ZNF699: variants seen among roughly 807,000 people sequenced by gnomAD.
ZNF699 encodes zinc finger protein 699, also known as hangover homolog.
In ZNF699, 18 loss-of-function variants were observed where a neutral mutation model predicts 22.5. The ratio of observed to expected loss-of-function variants is 0.80; its 90% confidence interval spans 0.55 to 1.19. ZNF699 has a LOEUF of 1.19. ZNF699 is among the 50% of genes most tolerant of loss of function. The pLI, the probability that ZNF699 is intolerant of heterozygous loss-of-function variation, is 0.00. For synonymous variants in ZNF699, 241 were observed against 262.3 expected (o/e 0.92, Z 0.78); for missense variants, 670 against 763.4 (o/e 0.88, Z 1.44).
At position 9,292,291 on chromosome 19, in the gene ZNF699, A is replaced by G. The variant is rs73504721; in HGVS notation, c.*3184T>C. On this transcript the variant is annotated 3_prime_UTR_variant, in exon 6 of 6. Transcript: ENST00000591998. ...AACAGGCACTAACCCTAAACAAATGAGAGTATTACATTCCCCAGGCCAGTG... is the reference window on the plus strand; with the variant it reads ...AACAGGCACTAACCCTAAACAAATGGGAGTATTACATTCCCCAGGCCAGTG... 0.016 allele frequency among the ~76,000 whole-genome samples: 2,372 copies of G among 152,244 alleles called. 60 individuals carry two copies. Among genetic ancestry groups the G allele is most frequent in the African/African-American group, 0.053 (2,210 of 41,540 alleles).
In ZNF699 at chr19:9,301,143, G is replaced by A. The variant is rs934751083; in HGVS notation, c.175+1235C>T. The stretch of plus-strand genomic sequence containing the variant: ...ATAAAGCCTACAAAAAAAAAAGAGA[G>A]AGAGAGAGAGAGAGAGAGAAGTCCA... On this transcript the variant is annotated intron_variant, in intron 3 of 5. Coordinates refer to ENST00000591998, the MANE Select transcript of ZNF699 (RefSeq NM_198535.3). 7.0e-3 allele frequency among the ~76,000 whole-genome samples: 1,054 copies of A among 151,446 alleles called. 8 individuals are homozygous for A. Among genetic ancestry groups the A allele is most frequent in the African/African-American group, 0.024 (993 of 41,274 alleles).
Position 9,309,369 on chromosome 19 carries a change from A to C in ZNF699, c.-25T>G, listed in dbSNP as rs940039452. 1.3e-5 allele frequency: 2 copies of C among 152,358 alleles called. No homozygotes were observed. The highest frequency in any genetic ancestry group is 2.9e-5 in the Non-Finnish European group (2 of 68,148). 9.4% of individuals were successfully genotyped at this position (152,358 alleles called of 1,614,324 possible). On this transcript the variant is annotated 5_prime_UTR_variant, in exon 1 of 6. Transcript: ENST00000591998. ...GCTCACCCGACACGCCGCGATCCACAGATCAGCTCACAGAGAACGAGGCTG... is the reference window on the plus strand; with the variant it reads ...GCTCACCCGACACGCCGCGATCCACCGATCAGCTCACAGAGAACGAGGCTG...
At chr19:9,308,805 A>G (rs1393625738) in intron 1 of ZNF699, among the ~76,000 whole-genome samples, 1 of 152,210 alleles carries the variant, frequency 6.6e-6, no homozygotes, top group East Asian at 1.9e-4. Context: ...AAGAAATGAA[A>G]AGAAATGGAA....
chr19:9,296,613 G>C lies in ZNF699; in HGVS notation c.791C>G (p.Ser264Ter). ...KECTKAFSCS[S>*]FFRAHMKIHI... ...AATCTTCATATGTGCCCTAAAGAAT[G>C]AGGAACAGCTGAAGGCTTTGGTACA... is the stretch of plus-strand genomic sequence containing the variant. The change falls in exon 6 of 6, where the codon TCA becomes TGA. Residue 264 changes from serine to a stop codon, truncating the protein, a stop_gained. Transcript: ENST00000591998. LOFTEE classifies it low-confidence loss of function (END_TRUNC). 1.9e-6 allele frequency: 3 copies of C among 1,614,184 alleles called. No individual in the cohort carries two copies. Among genetic ancestry groups the C allele is most frequent in the Non-Finnish European group, 8.5e-7 (1 of 1,180,032 alleles).
rs2144973800 is a variant in ZNF699 at position 9,295,391 on chromosome 19, C to T, written c.*84G>A. 1.3e-6 allele frequency: 2 copies of T among 1,482,238 alleles called. No individual in the cohort carries two copies. Among genetic ancestry groups the T allele is most frequent in the Non-Finnish European group, 1.8e-6 (2 of 1,115,304 alleles). The allele number at this position is 1,482,238 out of a possible 1,614,324, so 91.8% of individuals were successfully genotyped here. A position where few individuals can be genotyped will look rare whatever the true frequency, so the allele number is the denominator to read the frequency against. ...TGAGCAACAATTTCCTACTTTCTTA[C>T]ATTCATAGGGTGTCTCCACAGTATG... On this transcript the variant is annotated 3_prime_UTR_variant, in exon 6 of 6. Coordinates refer to ENST00000591998, the MANE Select transcript of ZNF699 (RefSeq NM_198535.3).
At chr19:9,304,817 G>A (rs1455670181) in intron 2 of ZNF699, among the ~76,000 whole-genome samples, 2 of 151,934 alleles carry the variant, frequency 1.3e-5, no homozygotes, top group Non-Finnish European at 2.9e-5. Context: ...CAGCCACTCG[G>A]GAGGCTGAGG....
At position 9,296,322 on chromosome 19, in the gene ZNF699, T is replaced by G; in HGVS notation, c.1082A>C (p.Lys361Thr). Residue 361 changes from lysine (K) to threonine (T), a missense_variant, in exon 6 of 6, where the codon AAG (lysine) becomes ACG (threonine). Physicochemically the swap from Lys to Thr is moderately conservative, Grantham distance 78. Transcript: ENST00000591998. ...CCCACACTCTTTACATTCATAAGGC[T>G]TCTCTCCAGTGTGAATTCTTATATG... The part of the protein sequence containing the change: ...IIHIRIHTGE[K>T]PYECKECGKA... 2 of 1,613,018 alleles carry G rather than the reference T, an allele frequency of 1.2e-6. No homozygotes were observed. The highest frequency in any genetic ancestry group is 1.3e-5 in the African/African-American group (1 of 74,634).
Position 9,294,720 on chromosome 19 carries a change from G to A in ZNF699, c.*755C>T, listed in dbSNP as rs2066278412. The stretch of plus-strand genomic sequence containing the variant: ...CACTGGATCCAATTCCCAGCCACGA[G>A]CAAGGACAAAGAATAAAATATAAAA... On this transcript the variant is annotated 3_prime_UTR_variant, in exon 6 of 6. Coordinates refer to ENST00000591998, the MANE Select transcript of ZNF699 (RefSeq NM_198535.3). 1 of 152,058 alleles carries A rather than the reference G, an allele frequency of 6.6e-6. No homozygotes were observed. The allele number at this position is 152,058 out of a possible 1,614,324, so 9.4% of individuals were successfully genotyped here. A position where few individuals can be genotyped will look rare whatever the true frequency, so the allele number is the denominator to read the frequency against.
chr19:9,300,678 A>G (rs12460279), intron 3 of ZNF699, among the ~76,000 whole-genome samples: 69,743 of 152,076 alleles, frequency 0.46, 17,628 homozygotes, highest in Middle Eastern at 0.57. Flanking sequence ...AAGTGAAAGA[A>G]GCCAATCTGA....
Position 9,297,489 on chromosome 19 carries a change from A to G in ZNF699, c.287-10T>C, listed in dbSNP as rs1271742689. The G allele has an allele frequency of 2.6e-6, 4 of 1,546,316 alleles. No homozygotes were observed. The highest frequency in any genetic ancestry group is 3.5e-6 in the Non-Finnish European group (4 of 1,157,412). ...AGTTGAGTCTCAAAACCTGAAACGAAAAAAAGTGAAAGCTTCCATGAGCCA... is the reference window on the plus strand; with the variant it reads ...AGTTGAGTCTCAAAACCTGAAACGAGAAAAAGTGAAAGCTTCCATGAGCCA... On this transcript the variant is annotated splice_polypyrimidine_tract_variant and intron_variant, in intron 4 of 5. Coordinates refer to ENST00000591998, the MANE Select transcript of ZNF699 (RefSeq NM_198535.3). The surrounding 1 kb of genome is among the most constrained non-coding windows in gnomAD (Gnocchi z 4.3).
rs1164942807 is a variant in ZNF699, at chr19:9,297,239, CTTTAAT to C, written c.470+51_470+56del. ...TATACATATTTCTTAAATTTCATGA[CTTTAAT>C]TTTAAGATTCTCTCCTGAGGCACTT... On this transcript the variant is annotated intron_variant, in intron 5 of 5. Transcript: ENST00000591998. This position sits in a 1 kb window ranked among gnomAD's most constrained non-coding sequence, Gnocchi z 4.3. The C allele has an allele frequency of 2.7e-6, 4 of 1,493,854 alleles. No homozygotes were observed. The highest frequency in any genetic ancestry group is 1.4e-5 in the African/African-American group (1 of 69,188). The allele number at this position is 1,493,854 out of a possible 1,614,324, so 92.5% of individuals were successfully genotyped here.
Position 9,305,065 on chromosome 19 carries a change from T to A in ZNF699, c.48+7A>T. On this transcript the variant is annotated splice_region_variant and intron_variant, in intron 2 of 5. Coordinates refer to ENST00000591998, the MANE Select transcript of ZNF699 (RefSeq NM_198535.3). ...ATTCTTTTGGACAATTATCACCTTTTACTTACCTGTATTCTATTTTTCTGT... is the reference window on the plus strand; with the variant it reads ...ATTCTTTTGGACAATTATCACCTTTAACTTACCTGTATTCTATTTTTCTGT... The A allele has an allele frequency of 6.2e-7, 1 of 1,610,984 alleles. No homozygotes were observed. Among genetic ancestry groups the A allele is most frequent in the Non-Finnish European group, 8.5e-7 (1 of 1,177,316 alleles).
intron 2 of ZNF699, among the ~76,000 whole-genome samples, chr19:9,304,261 A>G (rs1248294924): frequency 1.3e-5 from 2 of 152,204 alleles, no homozygotes; most frequent in Non-Finnish European, 2.9e-5. Flanking sequence ...TCGATTCCTT[A>G]TTACAGAAAT....
chr19:9,299,751 C>G (rs1232591855), intron 3 of ZNF699, among the ~76,000 whole-genome samples: 2 of 150,492 alleles, frequency 1.3e-5, no homozygotes, highest in African/African-American at 2.4e-5. Flanking sequence ...AAAATATTTG[C>G]AAAAAACATA....
In ZNF699 at chr19:9,297,553, T is replaced by G; in HGVS notation, c.287-74A>C. 8.9e-6 allele frequency: 11 copies of G among 1,234,666 alleles called. No individual in the cohort carries two copies. The highest frequency in any genetic ancestry group is 1.1e-5 in the Non-Finnish European group (10 of 894,198). 76.5% of individuals were successfully genotyped at this position (1,234,666 alleles called of 1,614,324 possible). ...GAGTGACTATTTCAGGACTTTGGTA[T>G]TAATAGGCACAAGGGTCAAAATGGT... On this transcript the variant is annotated intron_variant, in intron 4 of 5. Coordinates refer to ENST00000591998, the MANE Select transcript of ZNF699 (RefSeq NM_198535.3). The surrounding 1 kb of genome is among the most constrained non-coding windows in gnomAD (Gnocchi z 4.3).
intron 3 of ZNF699, 126 bp from the exon 4 acceptor site, chr19:9,298,116 C>A (rs2066293859): frequency 1.6e-5 from 9 of 573,810 alleles, no homozygotes; most frequent in Admixed American, 3.1e-5. Flanking sequence ...TTAACTGCAA[C>A]AAAATGTCAA....
chr19:9,306,307 G>A (rs1339669037), intron 1 of ZNF699, among the ~76,000 whole-genome samples: 2 of 151,838 alleles, frequency 1.3e-5, no homozygotes, highest in Admixed American at 6.6e-5. Context: ...CAGGAGAATC[G>A]CTTGAACCCG....
chr19:9,300,973 T>A (rs2066305011), intron 3 of ZNF699, among the ~76,000 whole-genome samples: 1 of 152,168 alleles, frequency 6.6e-6, no homozygotes, highest in Non-Finnish European at 1.5e-5. Flanking sequence ...CAATGTAGCT[T>A]CATCAGTTAT....
chr19:9,302,793 G>A (rs1362852469), intron 2 of ZNF699, among the ~76,000 whole-genome samples: 1 of 152,182 alleles, frequency 6.6e-6, no homozygotes, highest in African/African-American at 2.4e-5. Context: ...CAAAGCAGGA[G>A]GACTACTTGA....
Sources: gnomAD v4.1 joint callset for allele counts (sites outside exome capture counted in the v4.1 genomes callset) on GRCh38, gnomAD v4.1.1 for gene constraint, Gnocchi (gnomAD v3.1) non-coding constraint, MANE v1.5 for transcripts, NCBI Gene and HGNC (gene_info 2026-07-23, HGNC 2026-07-21) for gene names.